The following SNX3 variants were observed in gnomAD, a reference collection of about 807,000 sequenced individuals.
SNX3 encodes the protein sorting nexin-3.
SNX3 carries 5 observed loss-of-function variants against 17.7 expected under a neutral mutation model. The ratio of observed to expected loss-of-function variants is 0.28; its 90% CI spans 0.15 to 0.59. The LOEUF (loss-of-function observed/expected upper bound fraction) is 0.59. SNX3 is among the 20% of genes least tolerant of loss of function. The probability of loss-of-function intolerance (pLI) is 0.88; values close to 1 mark genes in which losing one functional copy is unlikely to be tolerated. For missense variants in SNX3, 132 were observed against 206.8 expected (o/e 0.64, Z 2.22); for synonymous variants, 91 against 76.5 (o/e 1.19, Z -0.99).
intron 1 of SNX3, among the ~76,000 whole-genome samples, chr6:108,241,119 G>A (rs1318518047): frequency 2.3e-5 from 3 of 130,276 alleles, no homozygotes; most frequent in Non-Finnish European, 4.6e-5. Context: ...ACTCGAGCCT[G>A]AGCGATAGAG....
rs1712692577 is a variant in SNX3 at position 108,211,952 on chromosome 6, A to G, written c.*197T>C. On this transcript the variant is annotated 3_prime_UTR_variant, in exon 4 of 4. Transcript: ENST00000230085. ...GCAAGAAAGAGCTATTTATATAGAA[A>G]GGCTGGAATGAGGGATTTTTACTAA... is the stretch of plus-strand genomic sequence containing the variant. 1 of 485,850 alleles carries G rather than the reference A, an allele frequency of 2.1e-6. No homozygotes were observed. The highest frequency in any genetic ancestry group is 2.4e-5 in the South Asian group (1 of 40,918). 30.1% of individuals were successfully genotyped at this position (485,850 alleles called of 1,614,324 possible).
intron 1 of SNX3, among the ~76,000 whole-genome samples, chr6:108,245,144 T>A: frequency 6.6e-6 from 1 of 152,018 alleles, no homozygotes; most frequent in Non-Finnish European, 1.5e-5. Flanking sequence ...TGGTGTGTGA[T>A]GTTCCCCTCC....
At chr6:108,218,012 A>T (rs1215118606) in intron 2 of SNX3, among the ~76,000 whole-genome samples, 1 of 152,248 alleles carries the variant, frequency 6.6e-6, no homozygotes, top group Non-Finnish European at 1.5e-5. Flanking sequence ...AATACGAGTA[A>T]AACTTTCACA....
intron 2 of SNX3, among the ~76,000 whole-genome samples, chr6:108,218,525 C>A (rs760935457): frequency 2.6e-5 from 4 of 152,154 alleles, no homozygotes; most frequent in African/African-American, 7.2e-5. Flanking sequence ...TAGGTATATA[C>A]TGAAAAGAAA....
chr6:108,219,027 A>T (rs1040125138), intron 2 of SNX3, among the ~76,000 whole-genome samples: 2 of 152,228 alleles, frequency 1.3e-5, no homozygotes, highest in East Asian at 1.9e-4. Flanking sequence ...ATTGCATGGT[A>T]TGTGAATTAT....
chr6:108,254,988 A>G (rs1775988327), intron 1 of SNX3, among the ~76,000 whole-genome samples: 1 of 152,234 alleles, frequency 6.6e-6, no homozygotes, highest in East Asian at 1.9e-4. Flanking sequence ...TTCTACAGGA[A>G]TATTATCTAC....
chr6:108,220,903 C>T (rs1373478813), intron 2 of SNX3, among the ~76,000 whole-genome samples: 1 of 151,920 alleles, frequency 6.6e-6, no homozygotes, highest in East Asian at 1.9e-4. Flanking sequence ...ATTGCTTGAA[C>T]CCCGGAGATG....
intron 1 of SNX3, among the ~76,000 whole-genome samples, chr6:108,249,278 T>G (rs542354684): frequency 6.6e-6 from 1 of 152,084 alleles, no homozygotes; most frequent in Non-Finnish European, 1.5e-5. Flanking sequence ...AAAAATTAGC[T>G]GGGCATGGTG....
rs561619454 is a variant in SNX3 at position 108,211,919 on chromosome 6, T to C, written c.*230A>G. On this transcript the variant is annotated 3_prime_UTR_variant, in exon 4 of 4. Transcript: ENST00000230085. ...TTGTGAGGCTATAGTGTGCACCACA[T>C]TAAAACAGCAAGAAAGAGCTATTTA... is the stretch of plus-strand genomic sequence containing the variant. 2.7e-3 allele frequency: 1,126 copies of C among 414,616 alleles called. 2 individuals are homozygous for C. Among genetic ancestry groups the C allele is most frequent in the Non-Finnish European group, 3.6e-3 (834 of 231,932 alleles). 25.7% of individuals were successfully genotyped at this position (414,616 alleles called of 1,614,324 possible).
intron 2 of SNX3, among the ~76,000 whole-genome samples, chr6:108,222,537 T>G (rs1230929017): frequency 6.6e-6 from 1 of 152,240 alleles, no homozygotes; most frequent in African/African-American, 2.4e-5. Flanking sequence ...ATGAAACTTC[T>G]GTTACATGAA....
intron 2 of SNX3, among the ~76,000 whole-genome samples, chr6:108,220,044 G>A (rs971736212): frequency 6.6e-6 from 1 of 152,042 alleles, no homozygotes; most frequent in African/African-American, 2.4e-5. Flanking sequence ...TATAGAATAA[G>A]AATATAAAGA....
chr6:108,221,858 G>T (rs946217443), intron 2 of SNX3, among the ~76,000 whole-genome samples: 1 of 151,986 alleles, frequency 6.6e-6, no homozygotes, highest in Admixed American at 6.6e-5. Context: ...CTTTATTTAG[G>T]TCTGGTCTTT....
chr6:108,218,740 T>C (rs1370967186), intron 2 of SNX3, among the ~76,000 whole-genome samples: 1 of 152,228 alleles, frequency 6.6e-6, no homozygotes, highest in African/African-American at 2.4e-5. Flanking sequence ...ACATGTTAAG[T>C]GAAAGAAGCC....
chr6:108,247,195 T>C (rs922064558), intron 1 of SNX3, among the ~76,000 whole-genome samples: 3 of 152,240 alleles, frequency 2.0e-5, no homozygotes, highest in South Asian at 4.1e-4. Context: ...TCCATGCTTG[T>C]AAGTTTCCTG....
At chr6:108,227,047 C>T (rs774912974) in intron 1 of SNX3, among the ~76,000 whole-genome samples, 1 of 152,196 alleles carries the variant, frequency 6.6e-6, no homozygotes, top group Non-Finnish European at 1.5e-5. Flanking sequence ...TCATTCCCCA[C>T]AGGGAATAAA....
chr6:108,220,107 T>G (rs1774709274), intron 2 of SNX3, among the ~76,000 whole-genome samples: 1 of 152,206 alleles, frequency 6.6e-6, no homozygotes, highest in South Asian at 2.1e-4. Flanking sequence ...TAAGTGTTAT[T>G]ACAAGAGTCA....
intron 1 of SNX3, among the ~76,000 whole-genome samples, chr6:108,245,294 T>C (rs568466018): frequency 1.6e-4 from 24 of 152,334 alleles, no homozygotes; most frequent in African/African-American, 5.5e-4. Context: ...ATGAACTCGT[T>C]CTTTTTTATG....
At chr6:108,221,642 C>T (rs138117606) in intron 2 of SNX3, among the ~76,000 whole-genome samples, 4 of 141,234 alleles carry the variant, frequency 2.8e-5, no homozygotes, top group African/African-American at 1.0e-4. Flanking sequence ...GCCTCCTGGA[C>T]TCAAAGTGAT....
Position 108,259,474 on chromosome 6 carries a change from C to T in SNX3, c.162+1286G>A, listed in dbSNP as rs150171667. 2.2e-3 allele frequency among the ~76,000 whole-genome samples: 341 copies of T among 152,288 alleles called. 1 individual carries two copies. Among genetic ancestry groups the T allele is most frequent in the African/African-American group, 7.6e-3 (314 of 41,560 alleles). ...TGTCGAACTCCTGACCTCGGTGATC[C>T]GCCCAGCTCGGCCTCCCAAAGTGCT... On this transcript the variant is annotated intron_variant, in intron 1 of 3. Coordinates refer to ENST00000230085, the MANE Select transcript of SNX3 (RefSeq NM_003795.6).
Sources: allele counts gnomAD v4.1 joint callset (sites outside exome capture counted in the v4.1 genomes callset), GRCh38; gene constraint gnomAD v4.1.1; transcripts MANE v1.5; gene names NCBI Gene and HGNC (gene_info 2026-07-23, HGNC 2026-07-21).